The following SLCO6A1 variants were observed in gnomAD, a reference collection of about 807,000 sequenced individuals.
SLCO6A1 encodes cancer/testis antigen 48.
Under a neutral mutation model 72.7 loss-of-function variants are expected in SLCO6A1, and 65 were observed. The observed-to-expected ratio is 0.89, with a 90% CI of 0.73 to 1.10. SLCO6A1 has a LOEUF of 1.10. SLCO6A1 is among the 50% of genes least tolerant of loss of function. SLCO6A1 has a pLI of 0.00. For synonymous variants in SLCO6A1, 314 were observed against 298.2 expected (o/e 1.05, Z -0.55); for missense variants, 874 against 872.6 (o/e 1.00, Z -0.02).
Position 102,413,088 on chromosome 5 carries a change from A to G in SLCO6A1, c.1528T>C (p.Ser510Pro). ...APCNEKCRCS[S>P]SIYSSICGRD... ...CCACATATAGAAGAATAAATTGAAGATGAGCATCTACATTTTTCATTGCAA... is the reference window on the plus strand; with the variant it reads ...CCACATATAGAAGAATAAATTGAAGGTGAGCATCTACATTTTTCATTGCAA... Residue 510 changes from serine to proline, a missense_variant, in exon 9 of 14, where the codon TCT becomes CCT. Ser to Pro is a moderately conservative substitution (Grantham distance 74, BLOSUM62 -1). Transcript: ENST00000506729. 2 of 1,576,202 alleles carry G rather than the reference A, an allele frequency of 1.3e-6. No individual in the cohort carries two copies. Among genetic ancestry groups the G allele is most frequent in the Admixed American group, 3.8e-5 (2 of 53,228 alleles).
chr5:102,485,936 A>T (rs1316836641), intron 1 of SLCO6A1, among the ~76,000 whole-genome samples: 1 of 152,198 alleles, frequency 6.6e-6, no homozygotes, highest in African/African-American at 2.4e-5. Flanking sequence ...CAAGTGTGTA[A>T]GTGTCTAGTA....
chr5:102,414,747 T>C (rs1748180185), intron 8 of SLCO6A1, among the ~76,000 whole-genome samples: 1 of 151,564 alleles, frequency 6.6e-6, no homozygotes, highest in African/African-American at 2.4e-5. Flanking sequence ...TGCAAAAAAA[T>C]AGCCAGGCGT....
chr5:102,473,436 A>G (rs1380812038), intron 4 of SLCO6A1, among the ~76,000 whole-genome samples: 1 of 152,034 alleles, frequency 6.6e-6, no homozygotes, highest in Non-Finnish European at 1.5e-5. Flanking sequence ...TAGGACAAAA[A>G]CACTGAGAAA....
At chr5:102,409,388 T>C (rs1747847320) in intron 9 of SLCO6A1, among the ~76,000 whole-genome samples, 1 of 152,160 alleles carries the variant, frequency 6.6e-6, no homozygotes, top group African/African-American at 2.4e-5. Context: ...CATATTTTCA[T>C]TGAGAAAATA....
intron 3 of SLCO6A1, among the ~76,000 whole-genome samples, chr5:102,477,105 A>C (rs1452864176): frequency 6.6e-6 from 1 of 151,898 alleles, no homozygotes; most frequent in African/African-American, 2.4e-5. Flanking sequence ...AAAGAGTATA[A>C]TTTTTATTAC....
intron 10 of SLCO6A1, among the ~76,000 whole-genome samples, chr5:102,397,168 G>C (rs1394759163): frequency 1.3e-5 from 2 of 151,994 alleles, no homozygotes; most frequent in African/African-American, 2.4e-5. Context: ...TTTTTGGTGA[G>C]TTTTCATTGT....
chr5:102,457,918 A>G (rs1337120574), intron 6 of SLCO6A1, among the ~76,000 whole-genome samples: 3 of 152,216 alleles, frequency 2.0e-5, no homozygotes, highest in Admixed American at 2.0e-4. Flanking sequence ...AATACTATGC[A>G]GCCATAAAAA....
chr5:102,438,788 AT>A (rs1018760632), intron 6 of SLCO6A1, 27 bp from the exon 7 acceptor site: 1 of 1,438,618 alleles, frequency 7.0e-7, no homozygotes, highest in African/African-American at 1.5e-5. Context: ...TTATATATCT[AT>A]TATTTTATTT....
At chr5:102,427,097 A>AAAG (rs1161788580) in intron 7 of SLCO6A1, among the ~76,000 whole-genome samples, 1 of 152,012 alleles carries the variant, frequency 6.6e-6, no homozygotes, top group Admixed American at 6.6e-5. Flanking sequence ...TCATATAAAT[A>AAAG]AAGAAGAAAA....
At position 102,483,510 on chromosome 5, in the gene SLCO6A1, A is replaced by G. The variant is rs137990549; in HGVS notation, c.359-3076T>C. On this transcript the variant is annotated intron_variant, in intron 1 of 13. Coordinates refer to ENST00000506729, the MANE Select transcript of SLCO6A1 (RefSeq NM_173488.5). ...GAGAGTGTTCCATATACTCCAAACC[A>G]ATTGGTGTCTAGAACTACTACTGAA... 4.5e-4 allele frequency among the ~76,000 whole-genome samples: 69 copies of G among 152,274 alleles called. No individual in the cohort carries two copies. In the South Asian group the frequency reaches 7.7e-3, roughly 17 times the overall value.
At chr5:102,424,197 T>C (rs1748764233) in intron 7 of SLCO6A1, among the ~76,000 whole-genome samples, 1 of 151,984 alleles carries the variant, frequency 6.6e-6, no homozygotes, top group Non-Finnish European at 1.5e-5. Context: ...CACCATAACA[T>C]TGCAATGAAA....
chr5:102,413,830 T>G (rs1348041464), intron 8 of SLCO6A1, among the ~76,000 whole-genome samples: 4 of 152,164 alleles, frequency 2.6e-5, no homozygotes, highest in African/African-American at 9.6e-5. Context: ...AGTTTCATAT[T>G]TTGGGTTTTA....
chr5:102,467,074 T>G (rs1204191421), intron 4 of SLCO6A1, among the ~76,000 whole-genome samples: 1 of 152,134 alleles, frequency 6.6e-6, no homozygotes, highest in Non-Finnish European at 1.5e-5. Flanking sequence ...GGTGTCTTCA[T>G]CATGAAATCT....
chr5:102,429,446 T>C (rs553912269), intron 7 of SLCO6A1, among the ~76,000 whole-genome samples: 1 of 152,304 alleles, frequency 6.6e-6, no homozygotes, highest in East Asian at 1.9e-4. Flanking sequence ...GGTTTTACAT[T>C]TAAGTCTTTA....
At chr5:102,425,849 C>T (rs978894351) in intron 7 of SLCO6A1, among the ~76,000 whole-genome samples, 15 of 152,216 alleles carry the variant, frequency 9.9e-5, no homozygotes, top group Admixed American at 2.6e-4. Context: ...GGAAGCATCA[C>T]GGTACCTGAC....
chr5:102,467,293 C>T (rs1751359927), intron 4 of SLCO6A1, among the ~76,000 whole-genome samples: 1 of 151,962 alleles, frequency 6.6e-6, no homozygotes, highest in Non-Finnish European at 1.5e-5. Context: ...AGGATGCATG[C>T]CTGTAGTCCT....
At chr5:102,394,859 A>G (rs545077585) in intron 10 of SLCO6A1, among the ~76,000 whole-genome samples, 4 of 152,266 alleles carry the variant, frequency 2.6e-5, no homozygotes, top group Admixed American at 2.6e-4. Context: ...AGAAATGGAA[A>G]TAATTTTGGG....
intron 13 of SLCO6A1, among the ~76,000 whole-genome samples, chr5:102,372,812 C>A (rs1750695973): frequency 6.6e-6 from 1 of 151,786 alleles, no homozygotes; most frequent in Non-Finnish European, 1.5e-5. Context: ...AAGAAATTTT[C>A]TGAGGAAACC....
intron 7 of SLCO6A1, among the ~76,000 whole-genome samples, chr5:102,435,354 T>C (rs1242823211): frequency 6.6e-6 from 1 of 152,146 alleles, no homozygotes; most frequent in African/African-American, 2.4e-5. Flanking sequence ...ATATAATTAG[T>C]ATTTATATTC....
Sources: gnomAD v4.1 joint callset for allele counts (sites outside exome capture counted in the v4.1 genomes callset) on GRCh38, gnomAD v4.1.1 for gene constraint, MANE v1.5 for transcripts, NCBI Gene and HGNC (gene_info 2026-07-23, HGNC 2026-07-21) for gene names.